Variants in TRIQK observed in about 807,000 individuals in gnomAD.
TRIQK encodes the protein triple QxxK/R motif-containing protein.
In TRIQK, 10 loss-of-function variants were observed where a neutral mutation model predicts 10.8. The ratio of observed to expected loss-of-function variants is 0.92; its 90% CI spans 0.57 to 1.57. The LOEUF (loss-of-function observed/expected upper bound fraction) is 1.57. TRIQK is among the 40% of genes most tolerant of loss of function. The probability of loss-of-function intolerance (pLI) is 0.00; values close to 1 mark genes in which losing one functional copy is unlikely to be tolerated. For missense variants in TRIQK, 107 were observed against 97.7 expected, an observed-to-expected ratio of 1.09 and a Z score of -0.40; for synonymous variants, 33 against 33.7, an observed-to-expected ratio of 0.98 and a Z score of 0.07.
At chr8:92,909,982 C>T (rs755709703) in intron 3 of TRIQK, among the ~76,000 whole-genome samples, 3 of 151,490 alleles carry the variant, frequency 2.0e-5, no homozygotes, top group Non-Finnish European at 3.0e-5. Flanking sequence ...GTTAAACATA[C>T]TGCTTACTAT....
intron 3 of TRIQK, among the ~76,000 whole-genome samples, chr8:92,897,331 A>G (rs1279130151): frequency 6.6e-6 from 1 of 152,230 alleles, no homozygotes; most frequent in Non-Finnish European, 1.5e-5. Flanking sequence ...TAAGAAGGAC[A>G]TGAACTTTGA....
chr8:92,993,681 C>G (rs889362597), intron 1 of TRIQK, among the ~76,000 whole-genome samples: 3 of 152,174 alleles, frequency 2.0e-5, no homozygotes, highest in African/African-American at 7.2e-5. Context: ...AAAACCTTGG[C>G]AATAGTTGAT....
intron 1 of TRIQK, among the ~76,000 whole-genome samples, chr8:92,993,952 T>C (rs150499535): frequency 2.9e-3 from 444 of 152,286 alleles, no homozygotes; most frequent in African/African-American, 0.01. Context: ...GGTTTCCACC[T>C]ACTCCTCTTG....
At chr8:92,983,662 C>A (rs2130745347) in intron 1 of TRIQK, among the ~76,000 whole-genome samples, 1 of 152,146 alleles carries the variant, frequency 6.6e-6, no homozygotes, top group South Asian at 2.1e-4. Flanking sequence ...CATGTTCTCA[C>A]TTACTGGGAG....
chr8:92,980,827 T>C (rs1289250917), intron 1 of TRIQK, among the ~76,000 whole-genome samples: 1 of 151,742 alleles, frequency 6.6e-6, no homozygotes, highest in Admixed American at 6.6e-5. Context: ...ATTATTAATA[T>C]ATCTAAAAAG....
At chr8:92,951,917 C>A (rs1389834417) in intron 2 of TRIQK, among the ~76,000 whole-genome samples, 1 of 152,040 alleles carries the variant, frequency 6.6e-6, no homozygotes, top group Non-Finnish European at 1.5e-5. Context: ...AGTCCAAAAG[C>A]CAATGCTCAC....
intron 1 of TRIQK, among the ~76,000 whole-genome samples, chr8:92,992,010 C>A (rs1368253724): frequency 6.6e-6 from 1 of 152,106 alleles, no homozygotes; most frequent in Non-Finnish European, 1.5e-5. Flanking sequence ...AAAGAGGACA[C>A]AAACAAATGG....
intron 1 of TRIQK, among the ~76,000 whole-genome samples, chr8:92,984,261 G>A (rs1315896858): frequency 2.0e-5 from 3 of 152,068 alleles, no homozygotes; most frequent in African/African-American, 7.2e-5. Context: ...GTGTTATACA[G>A]CTGGAATCTA....
intron 2 of TRIQK, among the ~76,000 whole-genome samples, chr8:92,943,408 T>C (rs1811368328): frequency 6.6e-6 from 1 of 152,112 alleles, no homozygotes; most frequent in Admixed American, 6.6e-5. Flanking sequence ...GGCATCACAT[T>C]ACCTGACTTT....
chr8:92,997,221 C>T (rs559894022), intron 1 of TRIQK, among the ~76,000 whole-genome samples: 1 of 151,882 alleles, frequency 6.6e-6, no homozygotes, highest in Non-Finnish European at 1.5e-5. Flanking sequence ...GTGGTGGGCA[C>T]CAGGCACAAT....
At chr8:93,011,683 A>G (rs1343529327) in intron 1 of TRIQK, among the ~76,000 whole-genome samples, 1 of 152,200 alleles carries the variant, frequency 6.6e-6, no homozygotes, top group Non-Finnish European at 1.5e-5. Context: ...GAAGAACATC[A>G]TCAAATAGCA....
chr8:92,899,280 T>G (rs1808794681), intron 3 of TRIQK, among the ~76,000 whole-genome samples: 1 of 151,942 alleles, frequency 6.6e-6, no homozygotes, highest in Non-Finnish European at 1.5e-5. Flanking sequence ...CCACTGCACT[T>G]GGCCTTTTTC....
At chr8:93,008,418 A>G (rs1813295916) in intron 1 of TRIQK, among the ~76,000 whole-genome samples, 2 of 152,204 alleles carry the variant, frequency 1.3e-5, no homozygotes, top group Non-Finnish European at 2.9e-5. Context: ...AGTCATCTAC[A>G]TATTCAATGT....
intron 3 of TRIQK, among the ~76,000 whole-genome samples, chr8:92,902,618 G>T (rs901830543): frequency 2.0e-5 from 3 of 151,980 alleles, no homozygotes; most frequent in African/African-American, 7.3e-5. Context: ...GTGTTCCTGT[G>T]GGGGGATGAT....
At chr8:92,963,882 A>AAACT (rs1419377703) in intron 1 of TRIQK, 1 of 150,670 alleles carries the variant, frequency 6.6e-6, no homozygotes, top group Non-Finnish European at 1.5e-5. Context: ...AACAAGAGTG[A>AAACT]AACTCCGTCT....
intron 2 of TRIQK, among the ~76,000 whole-genome samples, chr8:92,947,347 C>T (rs887725242): frequency 6.6e-6 from 1 of 151,336 alleles, no homozygotes; most frequent in African/African-American, 2.4e-5. Context: ...GTTTGGGAGG[C>T]TGAGGTGAGT....
intron 1 of TRIQK, among the ~76,000 whole-genome samples, chr8:92,992,468 GC>G (rs1326235409): frequency 1.3e-5 from 2 of 152,224 alleles, no homozygotes; most frequent in Non-Finnish European, 2.9e-5. Flanking sequence ...AAGGTCATCT[GC>G]TCATGGGAGA....
At chr8:92,973,662 G>A (rs1812899092) in intron 1 of TRIQK, 1 of 152,132 alleles carries the variant, frequency 6.6e-6, no homozygotes, top group Admixed American at 6.5e-5. Flanking sequence ...AAAATTTTTG[G>A]TGCAAAGTGG....
chr8:93,011,201 C>CATATAT (rs766474499), intron 1 of TRIQK, among the ~76,000 whole-genome samples: 1 of 98,526 alleles, frequency 1.0e-5, no homozygotes, highest in African/African-American at 3.7e-5. Context: ...CACACACACA[C>CATATAT]ACACATATAT....
Sources: allele counts gnomAD v4.1 joint callset (sites outside exome capture counted in the v4.1 genomes callset), GRCh38; gene constraint gnomAD v4.1.1; transcripts MANE v1.5; gene names NCBI Gene and HGNC (gene_info 2026-07-23, HGNC 2026-07-21).